INPP5A: variants seen among roughly 807,000 people sequenced by gnomAD.
INPP5A encodes the protein 43 kDa inositol polyphosphate 5-phophatase.
In INPP5A, 14 loss-of-function variants were observed where a neutral mutation model predicts 65.2. The ratio of observed to expected loss-of-function variants is 0.21; its 90% CI spans 0.14 to 0.34. The LOEUF (loss-of-function observed/expected upper bound fraction) is 0.34. Among genes scored for constraint, INPP5A ranks in the 10% least tolerant of loss-of-function variants. The probability of loss-of-function intolerance (pLI) is 1.00; values close to 1 mark genes in which losing one functional copy is unlikely to be tolerated. For missense variants in INPP5A, 431 were observed against 545.6 expected, an observed-to-expected ratio of 0.79 and a Z score of 2.09; for synonymous variants, 207 against 208.3, an observed-to-expected ratio of 0.99 and a Z score of 0.05.
At chr10:132,756,561 C>T (rs1231355503) in intron 11 of INPP5A, among the ~76,000 whole-genome samples, 1 of 152,206 alleles carries the variant, frequency 6.6e-6, no homozygotes, top group South Asian at 2.1e-4. Flanking sequence ...AGCGTGGCGG[C>T]ACTGGTGTGA....
At chr10:132,657,561 G>A (rs2072674063) in intron 4 of INPP5A, among the ~76,000 whole-genome samples, 1 of 152,168 alleles carries the variant, frequency 6.6e-6, no homozygotes, top group South Asian at 2.1e-4. Flanking sequence ...CTCTTGGGGT[G>A]GGGGGCCCCA....
Position 132,695,157 on chromosome 10 carries a change from C to T in INPP5A, c.371-2659C>T, listed in dbSNP as rs766280141. On this transcript the variant is annotated intron_variant, in intron 5 of 15. Transcript: ENST00000368594. ...GAGTCAGTTATATACTATGACCAAC[C>T]GAGATTTACTCCTGGTATAGAGGCT... Among the ~76,000 whole-genome samples the T allele has an allele frequency of 5.3e-5, 8 of 151,932 alleles. No individual in the cohort carries two copies. The East Asian group carries it at 5.8e-4, about 11-fold the overall frequency.
intron 2 of INPP5A, among the ~76,000 whole-genome samples, chr10:132,632,097 A>G (rs2072283038): frequency 6.6e-6 from 1 of 152,238 alleles, no homozygotes; most frequent in Non-Finnish European, 1.5e-5. Flanking sequence ...ACTCGGTCAC[A>G]TCTGTGCTTT....
In INPP5A at chr10:132,546,741, C is replaced by T. The variant is rs1238304728; in HGVS notation, c.75+8570C>T. ...TGGGTGCACTGCATACCCCGGGCCCCCTGGGCTCTGGCCTGTCCCCTTGTC... is the reference window on the plus strand; with the variant it reads ...TGGGTGCACTGCATACCCCGGGCCCTCTGGGCTCTGGCCTGTCCCCTTGTC... On this transcript the variant is annotated intron_variant, in intron 1 of 15. Transcript: ENST00000368594. The surrounding 1 kb of genome is among the most constrained non-coding windows in gnomAD (Gnocchi z 5.7). Among the ~76,000 whole-genome samples, 1 of 152,186 alleles carries T rather than the reference C, an allele frequency of 6.6e-6. No homozygotes were observed. Among genetic ancestry groups the T allele is most frequent in the Non-Finnish European group, 1.5e-5 (1 of 68,022 alleles).
At position 132,546,565 on chromosome 10, in the gene INPP5A, AAGGGCTTAGT is replaced by A. The variant is rs1048233251; in HGVS notation, c.75+8401_75+8410del. Reference sequence around the variant, plus strand: ...CTCCCCCTTCTCTCTTGGAAGGTGTAAGGGCTTAGTAGGGCTGCCTCGGCTGCTGGGGCAG... The same window carrying A: ...CTCCCCCTTCTCTCTTGGAAGGTGTAAGGGCTGCCTCGGCTGCTGGGGCAG... On this transcript the variant is annotated intron_variant, in intron 1 of 15. Transcript: ENST00000368594. The surrounding 1 kb of genome is among the most constrained non-coding windows in gnomAD (Gnocchi z 5.7). Among the ~76,000 whole-genome samples the A allele has an allele frequency of 6.6e-5, 10 of 151,764 alleles. 1 individual carries two copies. Among genetic ancestry groups the A allele is most frequent in the African/African-American group, 1.9e-4 (8 of 41,268 alleles).
rs974103044 is a variant in INPP5A at position 132,698,524 on chromosome 10, C to T, written c.474+605C>T. On this transcript the variant is annotated intron_variant, in intron 6 of 15. Coordinates refer to ENST00000368594, the MANE Select transcript of INPP5A (RefSeq NM_005539.5). This position sits in a 1 kb window ranked among gnomAD's most constrained non-coding sequence, Gnocchi z 5.5. Reference sequence around the variant, plus strand: ...GCCATGCACTTTGCTGAGCTGTGTGCGCGGCTGTTGCTCTGTGCACGTGAT... The same window carrying T: ...GCCATGCACTTTGCTGAGCTGTGTGTGCGGCTGTTGCTCTGTGCACGTGAT... 2.6e-5 allele frequency among the ~76,000 whole-genome samples: 4 copies of T among 152,214 alleles called. No individual in the cohort carries two copies. The highest frequency in any genetic ancestry group is 4.4e-5 in the Non-Finnish European group (3 of 68,044).
rs559218169 is a variant in INPP5A, at chr10:132,587,586, C to T, written c.76-20329C>T. On this transcript the variant is annotated intron_variant, in intron 1 of 15. Transcript: ENST00000368594. The surrounding 1 kb of genome is among the most constrained non-coding windows in gnomAD (Gnocchi z 4.3). ...ATGTTTAAACCTGCCTGAACTCCAG[C>T]CTCTCCCTCTTTGTTGTTTGTATGC... Among the ~76,000 whole-genome samples the T allele has an allele frequency of 9.5e-4, 145 of 152,312 alleles. 2 individuals are homozygous for T. The highest frequency in any genetic ancestry group is 2.2e-3 in the Admixed American group (34 of 15,300).
chr10:132,765,787 C>T lies in INPP5A; in HGVS notation c.918C>T (p.Asp306=). 6.2e-7 allele frequency: 1 copy of T among 1,600,308 alleles called. No homozygotes were observed. Among genetic ancestry groups the T allele is most frequent in the East Asian group, 2.2e-5 (1 of 44,840 alleles). The change falls in exon 12 of 16, where the codon GAC becomes GAT. Residue 306 remains aspartate (D), a synonymous_variant. Coordinates refer to ENST00000368594, the MANE Select transcript of INPP5A (RefSeq NM_005539.5). ...DNNGTALLEF[D]KELSVFKDRL... ...CTTTTCTTTAGCTCTTGGAGTTTGA[C>T]AAGGAGTTGTCTGTCTTTAAGGACA...
At chr10:132,683,565 C>T in intron 4 of INPP5A, among the ~76,000 whole-genome samples, 1 of 152,242 alleles carries the variant, frequency 6.6e-6, no homozygotes. Flanking sequence ...TGTGAACACT[C>T]AGTACCCATG....
intron 1 of INPP5A, among the ~76,000 whole-genome samples, chr10:132,584,039 C>T (rs1245679721): frequency 2.6e-5 from 4 of 152,292 alleles, no homozygotes; most frequent in East Asian, 3.9e-4. Flanking sequence ...ACTGTGACTG[C>T]GCCACGACAC....
chr10:132,770,755 G>A (rs1007346582), intron 12 of INPP5A, among the ~76,000 whole-genome samples: 2 of 152,366 alleles, frequency 1.3e-5, no homozygotes, highest in Non-Finnish European at 2.9e-5. Flanking sequence ...ACCCATGCAC[G>A]GGGAGGTCTC....
At chr10:132,583,186 A>G (rs2071505940) in intron 1 of INPP5A, among the ~76,000 whole-genome samples, 3 of 152,134 alleles carry the variant, frequency 2.0e-5, no homozygotes, top group African/African-American at 7.2e-5. Flanking sequence ...TTTTTATGTC[A>G]TTATAAATGG....
chr10:132,591,987 G>A (rs532863463), intron 1 of INPP5A, among the ~76,000 whole-genome samples: 2 of 152,212 alleles, frequency 1.3e-5, no homozygotes, highest in Non-Finnish European at 2.9e-5. Flanking sequence ...TCGAATCCAC[G>A]TCTCATGTGG....
chr10:132,680,527 G>A (rs774919164), intron 4 of INPP5A, among the ~76,000 whole-genome samples: 1 of 152,260 alleles, frequency 6.6e-6, no homozygotes, highest in African/African-American at 2.4e-5. Context: ...GCTCGCTCTC[G>A]GCGCCTGCTC....
rs770879486 is a variant in INPP5A, at chr10:132,697,916, C to T, written c.471C>T (p.Pro157=). The change falls in exon 6 of 16, where the codon CCC becomes CCT. Residue 157 remains proline, a synonymous_variant. Transcript: ENST00000368594. The surrounding 1 kb of genome is among the most constrained non-coding windows in gnomAD (Gnocchi z 5.6). ...AGAAGTTTCCGCAGGACTACTTCCCCGAGGTACGTAGCGAGGCTTTCTCAC... is the reference window on the plus strand; with the variant it reads ...AGAAGTTTCCGCAGGACTACTTCCCTGAGGTACGTAGCGAGGCTTTCTCAC... ...EKEKFPQDYF[P]ECKWSRKGFI... is the part of the protein sequence containing the mutation. 78 of 1,603,052 alleles carry T rather than the reference C, an allele frequency of 4.9e-5. No homozygotes were observed. The highest frequency in any genetic ancestry group is 5.9e-5 in the Non-Finnish European group (69 of 1,170,232).
At chr10:132,649,589 G>A (rs1262664155) in intron 3 of INPP5A, among the ~76,000 whole-genome samples, 1 of 152,208 alleles carries the variant, frequency 6.6e-6, no homozygotes, top group East Asian at 1.9e-4. Flanking sequence ...CTCTACTGGT[G>A]CAGTTTTATT....
At chr10:132,571,870 G>A (rs181393874) in intron 1 of INPP5A, among the ~76,000 whole-genome samples, 3 of 152,328 alleles carry the variant, frequency 2.0e-5, no homozygotes, top group Non-Finnish European at 4.4e-5. Context: ...TGTGAACTGA[G>A]CTGGGGCTGG....
At chr10:132,633,738 A>C (rs763489695) in intron 2 of INPP5A, among the ~76,000 whole-genome samples, 1 of 152,330 alleles carries the variant, frequency 6.6e-6, no homozygotes, top group East Asian at 1.9e-4. Context: ...GCGCAGCTCC[A>C]GGGCTCCTGC....
intron 1 of INPP5A, among the ~76,000 whole-genome samples, chr10:132,548,594 AG>A (rs1269169610): frequency 6.6e-6 from 1 of 152,096 alleles, no homozygotes; most frequent in Non-Finnish European, 1.5e-5. Context: ...CCCAGTTTTG[AG>A]ACACTTCCCT....
Sources: allele counts gnomAD v4.1 joint callset (sites outside exome capture counted in the v4.1 genomes callset), GRCh38; gene constraint gnomAD v4.1.1; non-coding constraint Gnocchi (gnomAD v3.1); transcripts MANE v1.5; gene names NCBI Gene and HGNC (gene_info 2026-07-23, HGNC 2026-07-21).